NADSYN1: variants seen among roughly 807,000 people sequenced by gnomAD.
NADSYN1 encodes glutamine-dependent NAD(+) synthetase.
NADSYN1 carries 80 observed loss-of-function variants against 99.3 expected under a neutral mutation model. The observed-to-expected ratio is 0.81, with a 90% confidence interval of 0.67 to 0.97. The LOEUF (loss-of-function observed/expected upper bound fraction) is 0.97, where lower values mean the gene tolerates loss of function less well. Ranked by LOEUF, NADSYN1 falls within the 50% of genes least tolerant of loss-of-function variation. NADSYN1 has a pLI of 0.00. For missense variants in NADSYN1, 859 were observed against 948.5 expected (o/e 0.91, Z 1.24); for synonymous variants, 385 against 372.1 (o/e 1.03, Z -0.40).
intron 4 of NADSYN1, 80 bp from the exon 5 acceptor site, chr11:71,463,973 C>A: frequency 1.7e-6 from 2 of 1,187,952 alleles, no homozygotes; most frequent in Non-Finnish European, 2.4e-6. Context: ...ATCACCTCGT[C>A]ACTTGGTGGC....
chr11:71,459,761 C>T lies in NADSYN1; in HGVS notation c.263+1217C>T, dbSNP rs115072025. On this transcript the variant is annotated intron_variant, in intron 3 of 20. Transcript: ENST00000319023. ...CACATATTCTCCTGCCACTCGCGTGCGACCCTCACCGTGACATTTGTGGAC... is the reference window on the plus strand; with the variant it reads ...CACATATTCTCCTGCCACTCGCGTGTGACCCTCACCGTGACATTTGTGGAC... 534 of 152,576 alleles carry T rather than the reference C, an allele frequency of 3.5e-3. 4 individuals carry two copies. Among genetic ancestry groups the T allele is most frequent in the African/African-American group, 0.012 (487 of 41,602 alleles). The allele number at this position is 152,576 out of a possible 1,614,324, so 9.5% of individuals were successfully genotyped here.
intron 9 of NADSYN1, chr11:71,477,143 CG>C: frequency 3.5e-6 from 4 of 1,139,444 alleles, no homozygotes; most frequent in Non-Finnish European, 4.4e-6. Context: ...TCACCCCCGT[CG>C]GGCCCGCGTT....
intron 10 of NADSYN1, 94 bp downstream of exon 10, chr11:71,478,563 A>G: frequency 1.7e-6 from 2 of 1,166,436 alleles, no homozygotes; most frequent in Non-Finnish European, 2.5e-6. Flanking sequence ...GTGAGGGTGC[A>G]GTGCCTGAAA....
intron 9 of NADSYN1, chr11:71,476,648 C>A: frequency 1.0e-6 from 1 of 985,926 alleles, no homozygotes; most frequent in South Asian, 4.7e-5. Flanking sequence ...CATCATTAAC[C>A]GCGACAGAGC....
intron 9 of NADSYN1, chr11:71,477,432 C>T (rs906043338): frequency 2.6e-5 from 33 of 1,289,642 alleles, no homozygotes; most frequent in African/African-American, 3.0e-5. Flanking sequence ...TGGGCATCTC[C>T]GGCCAGGTAT....
chr11:71,471,332 T>C (rs1468220662), intron 5 of NADSYN1, among the ~76,000 whole-genome samples: 1 of 152,244 alleles, frequency 6.6e-6, no homozygotes, highest in Non-Finnish European at 1.5e-5. Context: ...AATGGTCATG[T>C]TCAGCATGCC....
At chr11:71,477,905 A>G (rs1949679827) in intron 9 of NADSYN1, among the ~76,000 whole-genome samples, 1 of 152,210 alleles carries the variant, frequency 6.6e-6, no homozygotes, top group African/African-American at 2.4e-5. Flanking sequence ...CAGCCATCCC[A>G]TCTTCACACA....
chr11:71,483,433 GCAGGTC>G (rs571354198), intron 14 of NADSYN1, among the ~76,000 whole-genome samples: 3 of 152,286 alleles, frequency 2.0e-5, no homozygotes, highest in Non-Finnish European at 4.4e-5. Context: ...AGGGTGTGCA[GCAGGTC>G]CTGGGAGTTG....
intron 16 of NADSYN1, among the ~76,000 whole-genome samples, chr11:71,490,421 C>T (rs756850764): frequency 4.6e-5 from 7 of 152,176 alleles, no homozygotes; most frequent in Non-Finnish European, 7.4e-5. Flanking sequence ...GGGATTAGGA[C>T]GTGGGCACCT....
chr11:71,464,136 G>C lies in NADSYN1; in HGVS notation c.401G>C (p.Arg134Thr). The C allele has an allele frequency of 1.2e-6, 2 of 1,608,064 alleles. No homozygotes were observed. The highest frequency in any genetic ancestry group is 8.5e-7 in the Non-Finnish European group (1 of 1,177,406). The part of the protein sequence containing the change: ...RELRWFTPWS[R>T]SRHTEEYFLP... ...CTGCGCTGGTTCACCCCGTGGTCGAGGAGTCGGTGAGTCGGGTGCCTGACC... is the reference window on the plus strand; with the variant it reads ...CTGCGCTGGTTCACCCCGTGGTCGACGAGTCGGTGAGTCGGGTGCCTGACC... The change falls in exon 5 of 21, where the codon AGG becomes ACG. Residue 134 changes from arginine to threonine, a missense_variant. Coordinates refer to ENST00000319023, the MANE Select transcript of NADSYN1 (RefSeq NM_018161.5).
Position 71,483,393 on chromosome 11 carries a change from A to G in NADSYN1, c.1319+376A>G, listed in dbSNP as rs533123645. Among the ~76,000 whole-genome samples the G allele has an allele frequency of 2.1e-4, 32 of 152,226 alleles. 1 individual carries two copies. Among genetic ancestry groups the G allele is most frequent in the African/African-American group, 7.7e-4 (32 of 41,536 alleles). On this transcript the variant is annotated intron_variant, in intron 14 of 20. Coordinates refer to ENST00000319023, the MANE Select transcript of NADSYN1 (RefSeq NM_018161.5). ...CTGTCCCCTCACTCCTGGCATTCCC[A>G]GTGCAGGCTGCAGGTCGTATGTGCT...
rs201006776 is a variant in NADSYN1, at chr11:71,491,898, G to A, written c.1759G>A (p.Asp587Asn). The A allele has an allele frequency of 8.2e-5, 133 of 1,613,928 alleles. No homozygotes were observed. The highest frequency in any genetic ancestry group is 1.7e-4 in the Middle Eastern group (1 of 6,060). ...PLADGQVSQT[D>N]EEDMGMTYAE... is the part of the protein sequence containing the mutation. The stretch of plus-strand genomic sequence containing the variant: ...GGCTGATGGACAGGTGTCCCAGACC[G>A]ACGAGGTAATGGCGGTGGCTTTGCC... The change falls in exon 18 of 21, where the codon GAC (aspartate) becomes AAC (asparagine). Residue 587 changes from aspartate (D) to asparagine (N), a missense_variant. Asp to Asn is a conservative substitution (Grantham distance 23, BLOSUM62 1). Coordinates refer to ENST00000319023, the MANE Select transcript of NADSYN1 (RefSeq NM_018161.5).
At chr11:71,473,785 A>G (rs537286595) in intron 8 of NADSYN1, 99 bp downstream of exon 8, 1 of 866,992 alleles carries the variant, frequency 1.2e-6, no homozygotes, top group African/African-American at 1.7e-5. Context: ...CCCACACACA[A>G]TGGATGTTCC....
Position 71,501,466 on chromosome 11 carries a change from A to ATCAGCCGAGAGGGAGGGAACTTT in NADSYN1, c.*119_*141dup. 1.0e-6 allele frequency: 1 copy of ATCAGCCGAGAGGGAGGGAACTTT among 986,164 alleles called. No individual in the cohort carries two copies. Among genetic ancestry groups the ATCAGCCGAGAGGGAGGGAACTTT allele is most frequent in the South Asian group, 1.5e-5 (1 of 66,812 alleles). The allele number at this position is 986,164 out of a possible 1,614,324, so 61.1% of individuals were successfully genotyped here. A position where few individuals can be genotyped will look rare whatever the true frequency, so the allele number is the denominator to read the frequency against. Reference sequence around the variant, plus strand: ...CTAGGAGCCCAGGATGGGACGGCGCATCAGCCGAGAGGGAGGGAACTTTTC... The same window carrying ATCAGCCGAGAGGGAGGGAACTTT: ...CTAGGAGCCCAGGATGGGACGGCGCATCAGCCGAGAGGGAGGGAACTTTTCAGCCGAGAGGGAGGGAACTTTTC... On this transcript the variant is annotated 3_prime_UTR_variant, in exon 21 of 21. Coordinates refer to ENST00000319023, the MANE Select transcript of NADSYN1 (RefSeq NM_018161.5).
chr11:71,501,094 G>A (rs12281892), intron 20 of NADSYN1, among the ~76,000 whole-genome samples: 1,810 of 152,326 alleles, frequency 0.012, 47 homozygotes, highest in African/African-American at 0.041. Context: ...AGGTGGAGAC[G>A]CTGCTGTCAT....
chr11:71,474,842 G>A (rs1324941752), intron 9 of NADSYN1: 3 of 382,180 alleles, frequency 7.8e-6, no homozygotes, highest in Admixed American at 3.7e-5. Flanking sequence ...GGGACCTCCC[G>A]CCCTCGGGTC....
Position 71,501,362 on chromosome 11 carries a change from C to T in NADSYN1, c.*10C>T. The T allele has an allele frequency of 2.5e-6, 4 of 1,600,560 alleles. No individual in the cohort carries two copies. Among genetic ancestry groups the T allele is most frequent in the Non-Finnish European group, 3.4e-6 (4 of 1,173,948 alleles). ...GGACGGCGTGGACTGAGGCCGGTTC[C>T]TTCCTGGAGGCCTCCTGTCCTCGGG... On this transcript the variant is annotated 3_prime_UTR_variant, in exon 21 of 21. Coordinates refer to ENST00000319023, the MANE Select transcript of NADSYN1 (RefSeq NM_018161.5).
chr11:71,485,782 G>T, intron 16 of NADSYN1, 134 bp downstream of exon 16: 1 of 667,022 alleles, frequency 1.5e-6, no homozygotes, highest in South Asian at 2.1e-5. Flanking sequence ...CATTCCTCTA[G>T]AATTTCACCC....
At chr11:71,498,279 C>A in intron 19 of NADSYN1, 73 bp from the exon 20 acceptor site, 1 of 1,545,226 alleles carries the variant, frequency 6.5e-7, no homozygotes. Context: ...CTTGTATGAT[C>A]CAGCATGGGA....
Sources: allele counts gnomAD v4.1 joint callset (sites outside exome capture counted in the v4.1 genomes callset), GRCh38; gene constraint gnomAD v4.1.1; transcripts MANE v1.5; gene names NCBI Gene and HGNC (gene_info 2026-07-23, HGNC 2026-07-21).